The following PIK3C2G variants were observed in gnomAD, a reference collection of about 807,000 sequenced individuals.
The protein encoded by PIK3C2G is phosphatidylinositol-4-phosphate 3-kinase catalytic subunit type 2 gamma.
A neutral mutation model predicts 181.1 loss-of-function variants in PIK3C2G; 168 were observed. The ratio of observed to expected loss-of-function variants is 0.93; its 90% CI spans 0.82 to 1.05. The LOEUF (loss-of-function observed/expected upper bound fraction) is 1.05, where lower values mean the gene tolerates loss of function less well. Ranked by LOEUF, PIK3C2G falls within the 50% of genes least tolerant of loss-of-function variation. The pLI is 0.00. For synonymous variants in PIK3C2G, 573 were observed against 592.2 expected, an observed-to-expected ratio of 0.97 and a Z score of 0.47; for missense variants, 1,869 against 1,732.8, an observed-to-expected ratio of 1.08 and a Z score of -1.40.
chr12:18,511,874 T>C (rs568781710), intron 24 of PIK3C2G, among the ~76,000 whole-genome samples: 211 of 152,038 alleles, frequency 1.4e-3, no homozygotes, highest in Non-Finnish European at 2.8e-3. Context: ...TGGGGTCTTA[T>C]CCAAAAAAAA....
At chr12:18,722,988 T>G in the PIK3C2G span, among the ~76,000 whole-genome samples, 1 of 152,000 alleles carries the variant, frequency 6.6e-6, no homozygotes, top group Non-Finnish European at 1.5e-5. Context: ...TCAAGATACT[T>G]TCTTCTAATA....
At chr12:18,640,319 G>C in intron 31 of PIK3C2G, 110 bp from the exon 32 acceptor site, 1 of 828,530 alleles carries the variant, frequency 1.2e-6, no homozygotes, top group Non-Finnish European at 1.8e-6. Context: ...CATCAACAAA[G>C]TGACTGTAAT....
chr12:18,444,918 A>G (rs936328277), intron 18 of PIK3C2G, among the ~76,000 whole-genome samples: 1 of 152,178 alleles, frequency 6.6e-6, no homozygotes, highest in Non-Finnish European at 1.5e-5. Flanking sequence ...AATTAAAACT[A>G]TATGATACTT....
chr12:18,692,800 G>T, the PIK3C2G span: 1 of 1,490,760 alleles, frequency 6.7e-7, no homozygotes, highest in Non-Finnish European at 9.3e-7. Flanking sequence ...GGTCCTGGAG[G>T]TGGCAAGAAG....
chr12:18,447,687 C>T (rs1947103149), intron 18 of PIK3C2G, among the ~76,000 whole-genome samples: 1 of 151,898 alleles, frequency 6.6e-6, no homozygotes. Context: ...AAAATATTAC[C>T]TGAAAAAAAT....
At chr12:18,294,774 AGTAGAT>A (rs1354113210) in intron 5 of PIK3C2G, among the ~76,000 whole-genome samples, 1 of 152,034 alleles carries the variant, frequency 6.6e-6, no homozygotes, top group African/African-American at 2.4e-5. Flanking sequence ...CGTTTAATAC[AGTAGAT>A]CCCTATTTAT....
intron 24 of PIK3C2G, among the ~76,000 whole-genome samples, chr12:18,521,085 G>A (rs545614780): frequency 3.9e-4 from 60 of 152,152 alleles, no homozygotes; most frequent in African/African-American, 1.4e-3. Context: ...GATGTCACTC[G>A]AGAAGGCTGG....
In PIK3C2G at chr12:18,313,956, C is replaced by T. The variant is rs1388021306; in HGVS notation, c.1035-6C>T. The T allele has an allele frequency of 6.7e-7, 1 of 1,496,760 alleles. No individual in the cohort carries two copies. The highest frequency in any genetic ancestry group is 9.2e-7 in the Non-Finnish European group (1 of 1,087,390). 92.7% of individuals were successfully genotyped at this position (1,496,760 alleles called of 1,614,324 possible). On this transcript the variant is annotated splice_polypyrimidine_tract_variant and splice_region_variant and intron_variant, in intron 5 of 32. Coordinates refer to ENST00000538779, the MANE Select transcript of PIK3C2G (RefSeq NM_001288772.2). ...ATATGATTGTGTTCATTTTTTCCTC[C>T]TTCAGCGACCACTGTTTGGGGAGCC...
chr12:18,438,066 T>C (rs1180973526), intron 18 of PIK3C2G, among the ~76,000 whole-genome samples: 3 of 151,944 alleles, frequency 2.0e-5, no homozygotes, highest in Admixed American at 2.0e-4. Flanking sequence ...ATTCTAGCTA[T>C]TTCAGGCAGC....
chr12:18,685,842 A>G, the PIK3C2G span, among the ~76,000 whole-genome samples: 5 of 145,400 alleles, frequency 3.4e-5, no homozygotes, highest in African/African-American at 1.3e-4. Flanking sequence ...ACACACACAC[A>G]CGCGCACACA....
At chr12:18,322,044 T>G (rs1325643073) in intron 7 of PIK3C2G, among the ~76,000 whole-genome samples, 1 of 152,194 alleles carries the variant, frequency 6.6e-6, no homozygotes, top group East Asian at 1.9e-4. Flanking sequence ...CACGTTTACC[T>G]ATGTAACAAA....
intron 15 of PIK3C2G, among the ~76,000 whole-genome samples, chr12:18,398,345 G>T (rs540093858): frequency 6.6e-6 from 1 of 151,952 alleles, no homozygotes; most frequent in African/African-American, 2.4e-5. Flanking sequence ...TTTCTTCTGT[G>T]GGCTTTTCAG....
chr12:18,310,208 T>C (rs895330726), intron 5 of PIK3C2G, among the ~76,000 whole-genome samples: 3 of 151,870 alleles, frequency 2.0e-5, no homozygotes, highest in Non-Finnish European at 2.9e-5. Context: ...GCTACACATT[T>C]AAGAAAGTAC....
intron 5 of PIK3C2G, among the ~76,000 whole-genome samples, chr12:18,300,996 C>CT (rs1288850476): frequency 6.6e-6 from 1 of 151,576 alleles, no homozygotes; most frequent in Non-Finnish European, 1.5e-5. Flanking sequence ...AGAGTGGTTT[C>CT]TTTTTTTCTT....
At chr12:18,488,770 T>C (rs1327299134) in intron 19 of PIK3C2G, 141 bp downstream of exon 19, 7 of 502,260 alleles carry the variant, frequency 1.4e-5, no homozygotes, top group Admixed American at 4.2e-5. Flanking sequence ...GTCAAGTTTT[T>C]TTCCCCACCT....
Position 18,362,802 on chromosome 12 carries a change from C to G in PIK3C2G, c.1664C>G (p.Ala555Gly). The change falls in exon 12 of 33, where the codon GCT becomes GGT. Residue 555 changes from alanine to glycine, a missense_variant. Ala to Gly is a moderately conservative substitution (Grantham distance 60, BLOSUM62 0). Coordinates refer to ENST00000538779, the MANE Select transcript of PIK3C2G (RefSeq NM_001288772.2). ...AFSFTCWLTYAGKKLCQVRNY... is the reference protein window; with the variant it reads ...AFSFTCWLTYGGKKLCQVRNY... Reference sequence around the variant, plus strand: ...TCTTTTACCTGTTGGCTTACATATGCTGGAAAGAAGCTGTGCCAAGTGAGA... The same window carrying G: ...TCTTTTACCTGTTGGCTTACATATGGTGGAAAGAAGCTGTGCCAAGTGAGA... The G allele has an allele frequency of 6.6e-7, 1 of 1,523,820 alleles. No homozygotes were observed. The highest frequency in any genetic ancestry group is 8.8e-7 in the Non-Finnish European group (1 of 1,141,728). The allele number at this position is 1,523,820 out of a possible 1,614,324, so 94.4% of individuals were successfully genotyped here.
intron 24 of PIK3C2G, among the ~76,000 whole-genome samples, chr12:18,528,660 A>G (rs913348161): frequency 1.3e-5 from 2 of 152,202 alleles, no homozygotes; most frequent in Non-Finnish European, 2.9e-5. Context: ...GACTAATTCT[A>G]CTATCACGAA....
chr12:18,503,144 A>T (rs1286340438), intron 22 of PIK3C2G, 137 bp from the exon 23 acceptor site: 3 of 522,978 alleles, frequency 5.7e-6, no homozygotes, highest in Non-Finnish European at 6.5e-6. Flanking sequence ...CATCTAGATA[A>T]GCCTCCTCCA....
the PIK3C2G span, among the ~76,000 whole-genome samples, chr12:18,723,905 A>C: frequency 1.3e-5 from 2 of 152,098 alleles, no homozygotes; most frequent in Non-Finnish European, 2.9e-5. Context: ...CCTGGACCAT[A>C]TATGTCAGAG....
Sources: allele counts gnomAD v4.1 joint callset (sites outside exome capture counted in the v4.1 genomes callset), GRCh38; gene constraint gnomAD v4.1.1; transcripts MANE v1.5; gene names NCBI Gene and HGNC (gene_info 2026-07-23, HGNC 2026-07-21).